Variants in TBC1D23 observed in about 807,000 individuals in gnomAD.
TBC1D23 encodes the protein HCV non-structural protein 4A-transactivated protein 1.
TBC1D23 carries 55 observed loss-of-function variants against 91.4 expected under a neutral mutation model. That is an observed-to-expected ratio of 0.60 (90% CI 0.48 to 0.75). TBC1D23 has a LOEUF of 0.75. TBC1D23 is among the 30% of genes least tolerant of loss of function. The probability of loss-of-function intolerance (pLI) is 0.00; values close to 1 mark genes in which losing one functional copy is unlikely to be tolerated. For missense variants in TBC1D23, 725 were observed against 836.1 expected (o/e 0.87, Z 1.64); for synonymous variants, 289 against 281.0 (o/e 1.03, Z -0.28).
chr3:100,276,626 A>T (rs1458502350), intron 1 of TBC1D23, among the ~76,000 whole-genome samples: 3 of 152,238 alleles, frequency 2.0e-5, no homozygotes, highest in Admixed American at 1.3e-4. Context: ...ATATAAATCC[A>T]GTGACATTGT....
intron 1 of TBC1D23, among the ~76,000 whole-genome samples, chr3:100,271,283 GA>G (rs1202926699): frequency 1.3e-5 from 2 of 152,168 alleles, no homozygotes; most frequent in African/African-American, 4.8e-5. Flanking sequence ...ATATTGTCAA[GA>G]ATTCTTTGTG....
intron 4 of TBC1D23, among the ~76,000 whole-genome samples, chr3:100,286,559 AC>A (rs2067743960): frequency 6.6e-6 from 1 of 151,438 alleles, no homozygotes; most frequent in South Asian, 2.1e-4. Flanking sequence ...GTGCAGTGGC[AC>A]AGTCTCAGCC....
intron 11 of TBC1D23, among the ~76,000 whole-genome samples, chr3:100,304,244 G>A (rs1299692472): frequency 6.6e-6 from 1 of 152,030 alleles, no homozygotes; most frequent in Non-Finnish European, 1.5e-5. Context: ...TCTGTCCCTG[G>A]TATTTTCTGT....
intron 8 of TBC1D23, 116 bp downstream of exon 8, chr3:100,296,391 T>G (rs2067840685): frequency 3.3e-6 from 2 of 600,748 alleles, no homozygotes; most frequent in East Asian, 6.2e-5. Context: ...CTTTATGTGT[T>G]GTAGTTTTGT....
In TBC1D23 at chr3:100,279,504, C is replaced by T. The variant is rs2067677485; in HGVS notation, c.54-145C>T. ...CTGAGATTTCCCACAAGAAAACATG[C>T]TGTGTATACCTTGGCATTACATTTT... On this transcript the variant is annotated intron_variant, in intron 1 of 18. Coordinates refer to ENST00000394144, the MANE Select transcript of TBC1D23 (RefSeq NM_001199198.3). The T allele has an allele frequency of 8.4e-6, 4 of 477,686 alleles. No homozygotes were observed. In the South Asian group the frequency reaches 1.7e-4, roughly 20 times the overall value. The allele number at this position is 477,686 out of a possible 1,614,324, so 29.6% of individuals were successfully genotyped here. A position where few individuals can be genotyped will look rare whatever the true frequency, so the allele number is the denominator to read the frequency against.
rs1007913441 is a variant in TBC1D23 at position 100,281,746 on chromosome 3, C to T, written c.170C>T (p.Ala57Val). Residue 57 changes from alanine to valine, a missense_variant, in exon 3 of 19, where the codon GCT becomes GTT. Ala to Val is a moderately conservative substitution (Grantham distance 64). Transcript: ENST00000394144. Reference sequence around the variant, plus strand: ...CTTTTTAAATCTTTCTTCCAGATTGCTCTGAATGTTGCAGGAAAAGGTGAT... The same window carrying T: ...CTTTTTAAATCTTTCTTCCAGATTGTTCTGAATGTTGCAGGAAAAGGTGAT... ...ADLRAKVWKIALNVAGKGDSL... is the reference protein window; with the variant it reads ...ADLRAKVWKIVLNVAGKGDSL... 8.1e-6 allele frequency: 13 copies of T among 1,606,730 alleles called. No homozygotes were observed. The Middle Eastern group carries it at 1.8e-3, about 225-fold the overall frequency.
At chr3:100,320,236 G>A (rs1300828518) in intron 17 of TBC1D23, among the ~76,000 whole-genome samples, 1 of 151,818 alleles carries the variant, frequency 6.6e-6, no homozygotes, top group Non-Finnish European at 1.5e-5. Flanking sequence ...TTGTATTACT[G>A]TACATAAAAA....
At chr3:100,311,710 A>G in intron 14 of TBC1D23, 123 bp from the exon 15 acceptor site, 1 of 615,462 alleles carries the variant, frequency 1.6e-6, no homozygotes, top group Non-Finnish European at 2.8e-6. Context: ...GATGATGGAA[A>G]CATCTTCTTT....
intron 15 of TBC1D23, among the ~76,000 whole-genome samples, chr3:100,314,934 T>C (rs1705707138): frequency 6.6e-6 from 1 of 152,186 alleles, no homozygotes; most frequent in Non-Finnish European, 1.5e-5. Context: ...TAATTTTAGC[T>C]GAACCTTATC....
At chr3:100,313,344 TAGAA>T (rs1559814945) in intron 15 of TBC1D23, among the ~76,000 whole-genome samples, 1 of 152,188 alleles carries the variant, frequency 6.6e-6, no homozygotes. Context: ...AATGAGAAGT[TAGAA>T]TGAATTAGGT....
At chr3:100,299,120 C>A in intron 9 of TBC1D23, 119 bp from the exon 10 acceptor site, 2 of 577,622 alleles carry the variant, frequency 3.5e-6, no homozygotes, top group Non-Finnish European at 3.1e-6. Flanking sequence ...CTCCCAATTC[C>A]ATGTGAGATC....
chr3:100,264,669 T>TC (rs2067543955), intron 1 of TBC1D23, among the ~76,000 whole-genome samples: 1 of 152,238 alleles, frequency 6.6e-6, no homozygotes, highest in South Asian at 2.1e-4. Flanking sequence ...TTTTTTGTTG[T>TC]CAGTGGTATC....
At position 100,261,226 on chromosome 3, in the gene TBC1D23, G is replaced by A. The variant is rs567366360; in HGVS notation, c.53+155G>A. The A allele has an allele frequency of 1.8e-4, 125 of 678,752 alleles. No individual in the cohort carries two copies. In the African/African-American group the frequency reaches 1.9e-3, roughly 10 times the overall value. 42.0% of individuals were successfully genotyped at this position (678,752 alleles called of 1,614,324 possible). On this transcript the variant is annotated intron_variant, in intron 1 of 18. Transcript: ENST00000394144. The stretch of plus-strand genomic sequence containing the variant: ...TGCCCTACCCCTCTGCCAGCTGGGT[G>A]CCCCCTGCCTGCCTGGTTCTGCCCA...
At chr3:100,299,458 G>A (rs577757340) in intron 10 of TBC1D23, 127 bp downstream of exon 10, 1 of 471,560 alleles carries the variant, frequency 2.1e-6, no homozygotes, top group Non-Finnish European at 3.8e-6. Flanking sequence ...CTGCCCTTAT[G>A]AGAAAAGTGT....
chr3:100,294,815 G>A (rs563904963), intron 5 of TBC1D23, among the ~76,000 whole-genome samples: 8 of 152,294 alleles, frequency 5.3e-5, no homozygotes, highest in African/African-American at 1.9e-4. Flanking sequence ...AATAGTAGAA[G>A]ATGGGTAGCA....
Position 100,302,202 on chromosome 3 carries a change from A to T in TBC1D23, c.1228A>T (p.Met410Leu). The T allele has an allele frequency of 6.2e-7, 1 of 1,614,020 alleles. No individual in the cohort carries two copies. The highest frequency in any genetic ancestry group is 8.5e-7 in the Non-Finnish European group (1 of 1,179,952). Residue 410 changes from methionine to leucine, a missense_variant, in exon 11 of 19, where the codon ATG becomes TTG. Transcript: ENST00000394144. ...FMGSGREEED[M>L]YMNMVLAHFL... ...GGGCAGTGGCAGGGAGGAAGAAGAC[A>T]TGTATATGAACATGGTCCTGGCACA...
intron 10 of TBC1D23, among the ~76,000 whole-genome samples, 179 bp downstream of exon 10, chr3:100,299,510 T>C (rs1214200561): frequency 6.6e-6 from 1 of 152,064 alleles, no homozygotes; most frequent in African/African-American, 2.4e-5. Flanking sequence ...CTTTTGTGTT[T>C]TTGTTGTTGT....
Position 100,316,624 on chromosome 3 carries a change from A to G in TBC1D23, c.1687+437A>G, listed in dbSNP as rs145072093. ...TGATGGGATTGAAATCCCTTTGATC[A>G]GATTGAAATTCCTTTGATCAGCCAC... On this transcript the variant is annotated intron_variant, in intron 16 of 18. Coordinates refer to ENST00000394144, the MANE Select transcript of TBC1D23 (RefSeq NM_001199198.3). Among the ~76,000 whole-genome samples, 711 of 152,220 alleles carry G rather than the reference A, an allele frequency of 4.7e-3. 2 individuals carry two copies. The highest frequency in any genetic ancestry group is 6.4e-3 in the Non-Finnish European group (433 of 68,004).
intron 5 of TBC1D23, among the ~76,000 whole-genome samples, chr3:100,292,683 T>A (rs2067801883): frequency 6.6e-6 from 1 of 152,168 alleles, no homozygotes; most frequent in African/African-American, 2.4e-5. Flanking sequence ...CACTGCAAGC[T>A]CCACCTCCTG....
Sources: allele counts gnomAD v4.1 joint callset (sites outside exome capture counted in the v4.1 genomes callset), GRCh38; gene constraint gnomAD v4.1.1; transcripts MANE v1.5; gene names NCBI Gene and HGNC (gene_info 2026-07-23, HGNC 2026-07-21).